The following CFAP20DC variants were observed in gnomAD, a reference collection of about 807,000 sequenced individuals.
CFAP20DC encodes protein CFAP20DC.
A neutral mutation model predicts 101.7 loss-of-function variants in CFAP20DC; 84 were observed. The ratio of observed to expected loss-of-function variants is 0.83; its 90% CI spans 0.69 to 0.99. The LOEUF is 0.99. Among genes scored for constraint, CFAP20DC ranks in the 50% least tolerant of loss-of-function variants. The pLI, the probability that CFAP20DC is intolerant of heterozygous loss-of-function variation, is 0.00. For synonymous variants in CFAP20DC, 359 were observed against 351.2 expected, an observed-to-expected ratio of 1.02 and a Z score of -0.25; for missense variants, 1,007 against 970.3, an observed-to-expected ratio of 1.04 and a Z score of -0.50.
intron 4 of CFAP20DC, among the ~76,000 whole-genome samples, chr3:58,983,572 T>C (rs2092656247): frequency 6.6e-6 from 1 of 152,204 alleles, no homozygotes; most frequent in African/African-American, 2.4e-5. Context: ...CTGCCTATTC[T>C]TATTCTACTC....
At chr3:58,738,404 T>C (rs1280630026), downstream of CFAP20DC, among the ~76,000 whole-genome samples, 1 of 151,956 alleles carries the variant, frequency 6.6e-6, no homozygotes, top group Non-Finnish European at 1.5e-5. This position sits in a 1 kb window ranked among gnomAD's most constrained non-coding sequence, Gnocchi z 4.4. Flanking sequence ...TGTGTTCTCA[T>C]TGTTCAGCTC....
intron 4 of CFAP20DC, among the ~76,000 whole-genome samples, chr3:58,940,014 G>A (rs60463945): frequency 0.39 from 58,727 of 151,888 alleles, 13,108 homozygotes; most frequent in South Asian, 0.57. Flanking sequence ...TGATCGGCCC[G>A]CCTGGGCCTC....
At chr3:59,016,973 A>G (rs2093702336) in intron 4 of CFAP20DC, among the ~76,000 whole-genome samples, 2 of 152,104 alleles carry the variant, frequency 1.3e-5, no homozygotes, top group Non-Finnish European at 2.9e-5. Context: ...AGGGAAGAAG[A>G]AAGGCATCAC....
chr3:58,902,914 G>A (rs1020647830), intron 6 of CFAP20DC, among the ~76,000 whole-genome samples: 2 of 151,776 alleles, frequency 1.3e-5, no homozygotes, highest in African/African-American at 4.8e-5. Context: ...TTTTTCCCCT[G>A]AATATTTTTC....
intron 7 of CFAP20DC, among the ~76,000 whole-genome samples, chr3:58,883,985 T>C (rs1034268202): frequency 1.3e-5 from 2 of 152,148 alleles, no homozygotes; most frequent in African/African-American, 2.4e-5. Context: ...GTTTGGCCCA[T>C]GGAGTGTTTA....
intron 4 of CFAP20DC, among the ~76,000 whole-genome samples, chr3:59,012,974 ACT>A (rs1262737366): frequency 2.6e-5 from 4 of 152,222 alleles, no homozygotes; most frequent in African/African-American, 9.6e-5. Context: ...TAAAGTAGAC[ACT>A]GTTTTAAAAG....
rs1314449175 is a variant in CFAP20DC at position 58,815,629 on chromosome 3, C to T, written c.2176-9173G>A. 9.2e-5 allele frequency among the ~76,000 whole-genome samples: 14 copies of T among 151,550 alleles called. 1 individual carries two copies. The highest frequency in any genetic ancestry group is 3.4e-4 in the African/African-American group (14 of 41,192). The stretch of plus-strand genomic sequence containing the variant: ...GCTCATCTGACAAAGGGCTAATATC[C>T]AGAATCTACAATGAACTCAAACAAA... On this transcript the variant is annotated intron_variant, in intron 14 of 16. Transcript: ENST00000482387.
At chr3:58,906,505 T>C (rs2083599966) in intron 6 of CFAP20DC, among the ~76,000 whole-genome samples, 1 of 152,226 alleles carries the variant, frequency 6.6e-6, no homozygotes, top group Non-Finnish European at 1.5e-5. Flanking sequence ...ACTTGTTCCT[T>C]GAGCATATGA....
chr3:59,008,812 T>C (rs1279384561), intron 4 of CFAP20DC, among the ~76,000 whole-genome samples: 1 of 151,998 alleles, frequency 6.6e-6, no homozygotes, highest in Non-Finnish European at 1.5e-5. Flanking sequence ...TATACATATG[T>C]AACAAACCTG....
chr3:58,860,416 G>A (rs1483019967), intron 12 of CFAP20DC, among the ~76,000 whole-genome samples: 3 of 152,166 alleles, frequency 2.0e-5, no homozygotes, highest in Non-Finnish European at 2.9e-5. Context: ...GGCTTCCATA[G>A]AGTTAGAAGG....
Position 58,874,564 on chromosome 3 carries a change from C to T in CFAP20DC, c.716-4255G>A, listed in dbSNP as rs557660955. Among the ~76,000 whole-genome samples the T allele has an allele frequency of 2.6e-4, 39 of 152,206 alleles. No individual in the cohort carries two copies. The highest frequency in any genetic ancestry group is 8.2e-4 in the African/African-American group (34 of 41,526). On this transcript the variant is annotated intron_variant, in intron 7 of 16. Coordinates refer to ENST00000482387, the MANE Select transcript of CFAP20DC (RefSeq NM_001394063.1). This position sits in a 1 kb window ranked among gnomAD's most constrained non-coding sequence, Gnocchi z 5.1. ...TCTCGTTTTCTGCCCTCTCGGTAGA[C>T]GGGCCTTCTCAGTTCTTCCTGCCTA...
At chr3:59,023,841 C>A (rs1327674145) in intron 4 of CFAP20DC, among the ~76,000 whole-genome samples, 1 of 151,874 alleles carries the variant, frequency 6.6e-6, no homozygotes, top group Non-Finnish European at 1.5e-5. Context: ...GTATTATTAC[C>A]CAATTTTAAA....
chr3:58,942,913 G>A (rs1381028489), intron 4 of CFAP20DC, among the ~76,000 whole-genome samples: 2 of 152,148 alleles, frequency 1.3e-5, no homozygotes, highest in Non-Finnish European at 2.9e-5. Context: ...CATTACTAAG[G>A]CTCAAGTAAG....
rs912744463 is a variant in CFAP20DC, at chr3:58,874,229, C to T, written c.716-3920G>A. On this transcript the variant is annotated intron_variant, in intron 7 of 16. Transcript: ENST00000482387. The surrounding 1 kb of genome is among the most constrained non-coding windows in gnomAD (Gnocchi z 5.1). Reference sequence around the variant, plus strand: ...TAGGTGTCATGCTTGACACCTTCCCCTGATCTCTCCATATCCCATCCATGT... The same window carrying T: ...TAGGTGTCATGCTTGACACCTTCCCTTGATCTCTCCATATCCCATCCATGT... 2.0e-5 allele frequency among the ~76,000 whole-genome samples: 3 copies of T among 152,178 alleles called. No individual in the cohort carries two copies. The highest frequency in any genetic ancestry group is 7.2e-5 in the African/African-American group (3 of 41,452).
chr3:58,990,992 G>T (rs1311911409), intron 4 of CFAP20DC, among the ~76,000 whole-genome samples: 1 of 151,986 alleles, frequency 6.6e-6, no homozygotes, highest in Non-Finnish European at 1.5e-5. Flanking sequence ...TATCTGCCTT[G>T]ATAACTGAAA....
intron 4 of CFAP20DC, among the ~76,000 whole-genome samples, chr3:59,012,384 G>C (rs961034800): frequency 6.6e-6 from 1 of 152,144 alleles, no homozygotes; most frequent in African/African-American, 2.4e-5. Flanking sequence ...TATGCTGAGA[G>C]AAAGAAAGGA....
intron 6 of CFAP20DC, among the ~76,000 whole-genome samples, chr3:58,898,086 C>G (rs1332173483): frequency 7.9e-5 from 12 of 151,918 alleles, no homozygotes; most frequent in Admixed American, 7.9e-4. Context: ...CCTTTTTTTC[C>G]CTCTATTCTT....
intron 15 of CFAP20DC, among the ~76,000 whole-genome samples, chr3:58,772,304 C>G (rs189652614): frequency 1.3e-5 from 2 of 152,266 alleles, no homozygotes; most frequent in African/African-American, 4.8e-5. Flanking sequence ...AAAGTAGGCA[C>G]ATATGTGAAT....
Position 58,788,730 on chromosome 3 carries a change from T to A in CFAP20DC, c.2237+17665A>T, listed in dbSNP as rs1329848546. On this transcript the variant is annotated intron_variant, in intron 15 of 16. Transcript: ENST00000482387. The surrounding 1 kb of genome is among the most constrained non-coding windows in gnomAD (Gnocchi z 4.2). The stretch of plus-strand genomic sequence containing the variant: ...GTTTTTAATCTCAGCTTAAACTTCC[T>A]TTTAGCCTTGTGACCTTTGAGCCAA... Among the ~76,000 whole-genome samples the A allele has an allele frequency of 2.0e-5, 3 of 152,150 alleles. No individual in the cohort carries two copies. The highest frequency in any genetic ancestry group is 4.4e-5 in the Non-Finnish European group (3 of 68,010).
Sources: allele counts gnomAD v4.1 joint callset (sites outside exome capture counted in the v4.1 genomes callset), GRCh38; gene constraint gnomAD v4.1.1; non-coding constraint Gnocchi (gnomAD v3.1); transcripts MANE v1.5; gene names NCBI Gene and HGNC (gene_info 2026-07-23, HGNC 2026-07-21).